The following SLC36A1 variants were observed in gnomAD, a reference collection of about 807,000 sequenced individuals.
The protein encoded by SLC36A1 is solute carrier family 36 member 1, also known as proton-coupled amino acid transporter 1.
A neutral mutation model predicts 47.5 loss-of-function variants in SLC36A1; 30 were observed. The ratio of observed to expected loss-of-function variants is 0.63; its 90% CI spans 0.47 to 0.86. The LOEUF (loss-of-function observed/expected upper bound fraction) is 0.86. Among genes scored for constraint, SLC36A1 ranks in the 40% least tolerant of loss-of-function variants. SLC36A1 has a pLI of 0.00. For synonymous variants in SLC36A1, 255 were observed against 249.7 expected (o/e 1.02, Z -0.20); for missense variants, 517 against 606.0 (o/e 0.85, Z 1.54).
At chr5:151,547,696 G>A in the SLC36A1 span, among the ~76,000 whole-genome samples, 7 of 152,242 alleles carry the variant, frequency 4.6e-5, no homozygotes, top group South Asian at 1.0e-3. Flanking sequence ...TCCATTAAAA[G>A]CAGCTAAGTC....
chr5:151,443,713 T>C (rs1046658983), upstream of SLC36A1, among the ~76,000 whole-genome samples: 3 of 152,256 alleles, frequency 2.0e-5, no homozygotes, highest in African/African-American at 7.2e-5. Flanking sequence ...TCTGAGCTTT[T>C]GGTCTGATAT....
the SLC36A1 span, chr5:151,507,255 G>A: frequency 1.2e-6 from 2 of 1,614,184 alleles, no homozygotes; most frequent in Non-Finnish European, 1.7e-6. Flanking sequence ...GCAGACCACT[G>A]GCCGTTGCTT....
At chr5:151,542,490 G>A in the SLC36A1 span, 312 of 1,614,186 alleles carry the variant, frequency 1.9e-4, 1 homozygote, top group African/African-American at 3.9e-3. Context: ...TCTGTCCGTG[G>A]TCATAGGCCA....
At chr5:151,450,690 T>C (rs1466529644) in intron 1 of SLC36A1, among the ~76,000 whole-genome samples, 2 of 152,226 alleles carry the variant, frequency 1.3e-5, no homozygotes, top group African/African-American at 2.4e-5. Context: ...ACTCCTGCTT[T>C]TTCTTTCTTT....
chr5:151,465,204 T>C, intron 5 of SLC36A1, 35 bp downstream of exon 5: 2 of 1,551,380 alleles, frequency 1.3e-6, no homozygotes, highest in South Asian at 1.1e-5. Flanking sequence ...AACTGTGGCC[T>C]CCCAGTGTGA....
chr5:151,534,970 A>ATATATATATAT, the SLC36A1 span, among the ~76,000 whole-genome samples: 415 of 106,340 alleles, frequency 3.9e-3, 4 homozygotes, highest in Non-Finnish European at 5.7e-3. Context: ...CTTCTAGGAA[A>ATATATATATAT]ATATATATAT....
At chr5:151,544,129 G>T in the SLC36A1 span, 1 of 1,614,208 alleles carries the variant, frequency 6.2e-7, no homozygotes, top group Non-Finnish European at 8.5e-7. Flanking sequence ...TTCTTGAACT[G>T]TGGACATCTC....
chr5:151,393,358 T>C, the SLC36A1 span, among the ~76,000 whole-genome samples: 3 of 152,218 alleles, frequency 2.0e-5, no homozygotes, highest in East Asian at 1.9e-4. Flanking sequence ...CTTTATCCAA[T>C]TTGCCAGTCT....
At chr5:151,548,242 A>C in the SLC36A1 span, among the ~76,000 whole-genome samples, 29 of 152,092 alleles carry the variant, frequency 1.9e-4, no homozygotes, top group African/African-American at 6.8e-4. Flanking sequence ...GGCAGACAGC[A>C]AATTATTTTC....
the SLC36A1 span, chr5:151,517,737 G>C: frequency 6.2e-7 from 1 of 1,614,210 alleles, no homozygotes. Context: ...ACCGCACATA[G>C]CTCTGACCAC....
At chr5:151,352,329 G>A in the SLC36A1 span, among the ~76,000 whole-genome samples, 1 of 152,174 alleles carries the variant, frequency 6.6e-6, no homozygotes, top group Non-Finnish European at 1.5e-5. Context: ...CCATGAAAGT[G>A]GGAAGTACTT....
the SLC36A1 span, chr5:151,378,424 G>T: frequency 5.3e-6 from 1 of 186,922 alleles, no homozygotes; most frequent in South Asian, 1.1e-4. Context: ...CTAGGTATTT[G>T]ATCTTGCTGC....
the SLC36A1 span, among the ~76,000 whole-genome samples, chr5:151,428,195 T>G: frequency 1.3e-5 from 2 of 152,160 alleles, no homozygotes; most frequent in African/African-American, 2.4e-5. Flanking sequence ...CCTAAATATA[T>G]TTCTGATATT....
the SLC36A1 span, among the ~76,000 whole-genome samples, chr5:151,371,676 T>C: frequency 2.0e-3 from 301 of 152,354 alleles, 1 homozygote; most frequent in Non-Finnish European, 3.2e-3. Flanking sequence ...AGAAAAAGGA[T>C]GTGTAACAAG....
the SLC36A1 span, among the ~76,000 whole-genome samples, chr5:151,369,478 A>C: frequency 3.9e-5 from 6 of 152,204 alleles, no homozygotes; most frequent in East Asian, 9.6e-4. Context: ...AAATGCAACA[A>C]TTAAAAACTA....
the SLC36A1 span, chr5:151,522,264 A>G: frequency 3.6e-6 from 2 of 562,154 alleles, no homozygotes; most frequent in Admixed American, 6.2e-5. Context: ...CTGACAGAAA[A>G]GAAAGATTTT....
the SLC36A1 span, among the ~76,000 whole-genome samples, chr5:151,541,468 T>A: frequency 2.0e-5 from 3 of 152,226 alleles, no homozygotes; most frequent in African/African-American, 7.2e-5. Flanking sequence ...TGATCCTATG[T>A]CTTCGGGAGT....
At chr5:151,475,642 G>A (rs1413262210) in intron 8 of SLC36A1, among the ~76,000 whole-genome samples, 3 of 152,206 alleles carry the variant, frequency 2.0e-5, no homozygotes, top group Admixed American at 6.5e-5. Flanking sequence ...AATGGATGTG[G>A]ATTAACTGAA....
intron 9 of SLC36A1, chr5:151,477,638 C>A (rs1312185309): frequency 6.6e-6 from 1 of 151,992 alleles, no homozygotes; most frequent in Non-Finnish European, 1.5e-5. Flanking sequence ...GTGAGGCATA[C>A]CAATTATATA....
Sources: allele counts gnomAD v4.1 joint callset (sites outside exome capture counted in the v4.1 genomes callset), GRCh38; gene constraint gnomAD v4.1.1; transcripts MANE v1.5; gene names NCBI Gene and HGNC (gene_info 2026-07-23, HGNC 2026-07-21).